PAK5: variants seen among roughly 807,000 people sequenced by gnomAD.
PAK5 encodes serine/threonine-protein kinase PAK 5.
PAK5 carries 16 observed loss-of-function variants against 65.9 expected under a neutral mutation model. The ratio of observed to expected loss-of-function variants is 0.24; its 90% CI spans 0.16 to 0.37. The LOEUF (loss-of-function observed/expected upper bound fraction) is 0.37, where lower values mean the gene tolerates loss of function less well. Ranked by LOEUF, PAK5 falls within the 10% of genes least tolerant of loss-of-function variation. The probability of loss-of-function intolerance (pLI) is 1.00; values close to 1 mark genes in which losing one functional copy is unlikely to be tolerated. For missense variants in PAK5, 785 were observed against 903.9 expected (o/e 0.87, Z 1.69); for synonymous variants, 371 against 354.9 (o/e 1.05, Z -0.51).
In PAK5 at chr20:9,811,971, T is replaced by C. The variant is rs188264386; in HGVS notation, c.-162+26791A>G. ...TTATTCTCATAAAGAAAATGAATTATAGCACCTACATCATATACATACCTA... is the reference window on the plus strand; with the variant it reads ...TTATTCTCATAAAGAAAATGAATTACAGCACCTACATCATATACATACCTA... On this transcript the variant is annotated intron_variant, in intron 1 of 9. Transcript: ENST00000353224. Among the ~76,000 whole-genome samples, 405 of 152,278 alleles carry C rather than the reference T, an allele frequency of 2.7e-3. 3 individuals are homozygous for C. Among genetic ancestry groups the C allele is most frequent in the African/African-American group, 9.3e-3 (386 of 41,578 alleles).
intron 1 of PAK5, among the ~76,000 whole-genome samples, chr20:9,746,357 T>A (rs953681756): frequency 6.6e-6 from 1 of 152,180 alleles, no homozygotes; most frequent in Non-Finnish European, 1.5e-5. Flanking sequence ...CAGACATTCC[T>A]CGAGCTGAAC....
At chr20:9,672,889 T>G (rs2423407) in intron 2 of PAK5, among the ~76,000 whole-genome samples, 8,528 of 152,264 alleles carry the variant, frequency 0.056, 241 homozygotes, top group South Asian at 0.083. Flanking sequence ...CAGCAATAGC[T>G]TCACCTATAA....
rs1603188203 is a variant in PAK5 at position 9,542,495 on chromosome 20, G to C, written c.2004+91C>G. 4 of 1,243,390 alleles carry C rather than the reference G, an allele frequency of 3.2e-6. No individual in the cohort carries two copies. In the East Asian group the frequency reaches 9.3e-5, roughly 29 times the overall value. The allele number at this position is 1,243,390 out of a possible 1,614,324, so 77.0% of individuals were successfully genotyped here. On this transcript the variant is annotated intron_variant, in intron 9 of 9. Transcript: ENST00000353224. ...CATGCTCATAAACCAGGATCTTCCT[G>C]CTGGATGTGGTAAGCCAGTCTTAAA... is the stretch of plus-strand genomic sequence containing the variant.
chr20:9,599,495 G>T lies in PAK5; in HGVS notation c.205-18565C>A, dbSNP rs77225741. On this transcript the variant is annotated intron_variant, in intron 3 of 9. Coordinates refer to ENST00000353224, the MANE Select transcript of PAK5 (RefSeq NM_177990.4). ...ACTGCATGAGGATGCCAATGTCTCC[G>T]CATCCTTGAAACACTTGTTATTTTC... Among the ~76,000 whole-genome samples the T allele has an allele frequency of 3.2e-3, 490 of 152,256 alleles. 3 individuals carry two copies. Among genetic ancestry groups the T allele is most frequent in the African/African-American group, 0.011 (471 of 41,540 alleles).
At chr20:9,700,939 A>G (rs79673900) in intron 2 of PAK5, among the ~76,000 whole-genome samples, 3,534 of 152,234 alleles carry the variant, frequency 0.023, 143 homozygotes, top group African/African-American at 0.081. Flanking sequence ...TTTATATTAG[A>G]AAACTCTAGC....
At chr20:9,730,092 C>A (rs970006300) in intron 1 of PAK5, among the ~76,000 whole-genome samples, 1 of 149,696 alleles carries the variant, frequency 6.7e-6, no homozygotes, top group Non-Finnish European at 1.5e-5. Flanking sequence ...AAATCATGTT[C>A]TCCTAAAAAC....
chr20:9,792,435 C>T (rs1424093903), intron 1 of PAK5, among the ~76,000 whole-genome samples: 1 of 152,126 alleles, frequency 6.6e-6, no homozygotes, highest in Admixed American at 6.6e-5. Context: ...GAGCCAAGTG[C>T]TTTTCAGAAG....
intron 2 of PAK5, among the ~76,000 whole-genome samples, chr20:9,669,737 C>G (rs2206480): frequency 0.051 from 7,738 of 151,962 alleles, 221 homozygotes; most frequent in South Asian, 0.083. Context: ...AGGTACACCT[C>G]ACTTTATTTT....
chr20:9,661,790 T>C (rs1489001004), intron 2 of PAK5, among the ~76,000 whole-genome samples: 1 of 152,202 alleles, frequency 6.6e-6, no homozygotes, highest in East Asian at 1.9e-4. Context: ...AATAAATTTG[T>C]ATTTCTTTTC....
At chr20:9,564,591 A>G (rs534676864) in intron 5 of PAK5, among the ~76,000 whole-genome samples, 39 of 152,330 alleles carry the variant, frequency 2.6e-4, no homozygotes, top group Middle Eastern at 6.8e-3. Context: ...ACTATTGGTG[A>G]GGGTCTAGAT....
intron 4 of PAK5, among the ~76,000 whole-genome samples, chr20:9,568,654 G>T (rs190986562): frequency 6.2e-4 from 94 of 152,270 alleles, no homozygotes; most frequent in Middle Eastern, 3.4e-3. Context: ...CAGCTGCCAT[G>T]TCATGAGGAC....
chr20:9,624,665 G>A (rs1041625183), intron 3 of PAK5, among the ~76,000 whole-genome samples: 1 of 151,886 alleles, frequency 6.6e-6, no homozygotes, highest in Admixed American at 6.6e-5. Context: ...TTGTGGAAAG[G>A]CCCTGGCTCT....
At chr20:9,587,650 A>G (rs757861156) in intron 3 of PAK5, among the ~76,000 whole-genome samples, 27 of 152,108 alleles carry the variant, frequency 1.8e-4, no homozygotes, top group Non-Finnish European at 3.2e-4. Flanking sequence ...GTATCTTGTT[A>G]AAGGGAGACT....
At chr20:9,574,532 C>T (rs1489419749) in intron 4 of PAK5, among the ~76,000 whole-genome samples, 3 of 152,110 alleles carry the variant, frequency 2.0e-5, no homozygotes, top group South Asian at 4.2e-4. Flanking sequence ...GAATATTGTT[C>T]AAATATGTCA....
At chr20:9,824,114 A>C (rs758734922) in intron 1 of PAK5, among the ~76,000 whole-genome samples, 12 of 152,234 alleles carry the variant, frequency 7.9e-5, no homozygotes, top group Non-Finnish European at 1.0e-4. Context: ...TCTGAGGCAC[A>C]TCTTTTCTTT....
chr20:9,777,777 G>A (rs1394731256), intron 1 of PAK5, among the ~76,000 whole-genome samples: 1 of 152,136 alleles, frequency 6.6e-6, no homozygotes, highest in Non-Finnish European at 1.5e-5. Flanking sequence ...CAGGGTCATC[G>A]ATGAGGACAG....
At chr20:9,787,792 A>C (rs1174439152) in intron 1 of PAK5, among the ~76,000 whole-genome samples, 10 of 152,140 alleles carry the variant, frequency 6.6e-5, no homozygotes, top group Non-Finnish European at 1.2e-4. Context: ...TCCCTCATAC[A>C]GGTGCAATAG....
intron 2 of PAK5, among the ~76,000 whole-genome samples, chr20:9,669,794 TAA>T (rs900453683): frequency 2.6e-5 from 4 of 152,136 alleles, no homozygotes; most frequent in Non-Finnish European, 4.4e-5. Flanking sequence ...TATTATACTT[TAA>T]GTTTTAGGGT....
intron 6 of PAK5, among the ~76,000 whole-genome samples, chr20:9,559,814 G>A (rs2045565713): frequency 6.6e-6 from 1 of 152,036 alleles, no homozygotes; most frequent in Non-Finnish European, 1.5e-5. Context: ...TCATACAAAG[G>A]CAGGTGACAA....
Sources: gnomAD v4.1 joint callset for allele counts (sites outside exome capture counted in the v4.1 genomes callset) on GRCh38, gnomAD v4.1.1 for gene constraint, MANE v1.5 for transcripts, NCBI Gene and HGNC (gene_info 2026-07-23, HGNC 2026-07-21) for gene names.